SRRM3: variants seen among roughly 807,000 people sequenced by gnomAD.
SRRM3 encodes serine/arginine repetitive matrix protein 3.
SRRM3 carries 27 observed loss-of-function variants against 66.2 expected under a neutral mutation model. The observed-to-expected ratio is 0.41, with a 90% CI of 0.30 to 0.56. The LOEUF (loss-of-function observed/expected upper bound fraction) is 0.56, where lower values mean the gene tolerates loss of function less well. Ranked by LOEUF, SRRM3 falls within the 20% of genes least tolerant of loss-of-function variation. The probability of loss-of-function intolerance (pLI) is 0.32; values close to 1 mark genes in which losing one functional copy is unlikely to be tolerated. For missense variants in SRRM3, 918 were observed against 991.9 expected (o/e 0.93, Z 1.00); for synonymous variants, 391 against 414.9 (o/e 0.94, Z 0.70).
chr7:76,222,315 G>A (rs1252314429), intron 1 of SRRM3, among the ~76,000 whole-genome samples: 9 of 151,634 alleles, frequency 5.9e-5, no homozygotes, highest in African/African-American at 1.7e-4. Flanking sequence ...TTGGGAGGCT[G>A]AGGTGGGAGG....
rs1554604647 is a variant in SRRM3 at position 76,235,141 on chromosome 7, C to T, written c.75C>T (p.Pro25=). The change falls in exon 2 of 15, where the codon CCC becomes CCT. Residue 25 remains proline (P), a synonymous_variant. Transcript: ENST00000611745. Reference sequence around the variant, plus strand: ...ACGCCGCGAACGGCTTCCCGCAGCCCAGCTCCTCCTCGGGGACCTGGCCGC... The same window carrying T: ...ACGCCGCGAACGGCTTCCCGCAGCCTAGCTCCTCCTCGGGGACCTGGCCGC... ...TPDAANGFPQ[P]SSSSGTWPRA... 1.3e-6 allele frequency: 2 copies of T among 1,567,322 alleles called. No homozygotes were observed. The highest frequency in any genetic ancestry group is 1.4e-5 in the African/African-American group (1 of 73,724).
intron 1 of SRRM3, among the ~76,000 whole-genome samples, chr7:76,228,140 G>T (rs553403770): frequency 6.6e-6 from 1 of 152,260 alleles, no homozygotes; most frequent in African/African-American, 2.4e-5. Context: ...AAAGTGCTGG[G>T]ATTACAGGTG....
chr7:76,261,672 C>T, intron 8 of SRRM3, 91 bp downstream of exon 8: 1 of 1,368,972 alleles, frequency 7.3e-7, no homozygotes, highest in South Asian at 1.2e-5. Context: ...TTGAGGGTCC[C>T]ACAGGGCTCC....
intron 7 of SRRM3, 46 bp downstream of exon 7, chr7:76,261,460 G>A (rs782153666): frequency 6.3e-7 from 1 of 1,598,818 alleles, no homozygotes; most frequent in Admixed American, 1.7e-5. Context: ...CCTCCCGTGG[G>A]GCCCAGGGCC....
intron 1 of SRRM3, among the ~76,000 whole-genome samples, chr7:76,228,283 C>T (rs1487959623): frequency 6.6e-6 from 1 of 152,190 alleles, no homozygotes; most frequent in Non-Finnish European, 1.5e-5. Flanking sequence ...CTGTGAGAAT[C>T]TTGGGGCTCT....
In SRRM3 at chr7:76,259,972, T is replaced by C; in HGVS notation, c.402T>C (p.Asp134=). 1 of 1,600,824 alleles carries C rather than the reference T, an allele frequency of 6.2e-7. No homozygotes were observed. Among genetic ancestry groups the C allele is most frequent in the Non-Finnish European group, 8.5e-7 (1 of 1,179,000 alleles). Residue 134 remains aspartate, a synonymous_variant, in exon 4 of 15, where the codon GAT becomes GAC. Transcript: ENST00000611745. Reference sequence around the variant, plus strand: ...GCCTGGAGTACGCGCCCTTTGACGATGACGACGGCCCAGTGGACTGTGACT... The same window carrying C: ...GCCTGGAGTACGCGCCCTTTGACGACGACGACGGCCCAGTGGACTGTGACT... ...EPGLEYAPFD[D]DDGPVDCDCP...
At chr7:76,211,415 G>C (rs1334119214) in intron 1 of SRRM3, among the ~76,000 whole-genome samples, 2 of 151,646 alleles carry the variant, frequency 1.3e-5, no homozygotes, top group African/African-American at 2.4e-5. Flanking sequence ...CTCACTGTTG[G>C]GGGGCGGGGG....
At chr7:76,222,615 GTTTTTTTAA>G (rs1800755240) in intron 1 of SRRM3, among the ~76,000 whole-genome samples, 2 of 151,652 alleles carry the variant, frequency 1.3e-5, no homozygotes, top group African/African-American at 4.8e-5. Flanking sequence ...GTTTTGTTTT[GTTTTTTTAA>G]TTTTTTTAAT....
intron 1 of SRRM3, among the ~76,000 whole-genome samples, chr7:76,204,468 G>T (rs1800246375): frequency 6.6e-6 from 1 of 152,156 alleles, no homozygotes; most frequent in Non-Finnish European, 1.5e-5. Context: ...CTGAAGGTGT[G>T]ATGGGACTTT....
At chr7:76,261,014 T>C in intron 6 of SRRM3, 111 bp downstream of exon 6, 1 of 1,173,646 alleles carries the variant, frequency 8.5e-7, no homozygotes, top group Non-Finnish European at 1.2e-6. Context: ...GGCCTGCACC[T>C]GGACACTGCC....
chr7:76,276,203 T>TC (rs1583938981), intron 11 of SRRM3, among the ~76,000 whole-genome samples: 1 of 152,062 alleles, frequency 6.6e-6, no homozygotes, highest in African/African-American at 2.4e-5. Flanking sequence ...CCTGATTCAC[T>TC]CACTCACTCA....
At chr7:76,262,132 G>C (rs1365887325) in intron 8 of SRRM3, among the ~76,000 whole-genome samples, 2 of 152,038 alleles carry the variant, frequency 1.3e-5, no homozygotes, top group Non-Finnish European at 2.9e-5. Flanking sequence ...AGGGTGGACT[G>C]GGGGAGGGGA....
At chr7:76,272,507 A>G (rs1317170368) in intron 11 of SRRM3, among the ~76,000 whole-genome samples, 1 of 152,116 alleles carries the variant, frequency 6.6e-6, no homozygotes, top group East Asian at 1.9e-4. Flanking sequence ...GTTGGAGGCT[A>G]CAGTGAGCTA....
chr7:76,257,588 GTGAGAC>G (rs1801745418), intron 3 of SRRM3, among the ~76,000 whole-genome samples: 1 of 151,828 alleles, frequency 6.6e-6, no homozygotes, highest in Admixed American at 6.6e-5. Flanking sequence ...GGGCAACATA[GTGAGAC>G]CCCATCTCTA....
chr7:76,218,013 C>G (rs1554602791), intron 1 of SRRM3, among the ~76,000 whole-genome samples: 1 of 152,158 alleles, frequency 6.6e-6, no homozygotes. Context: ...GCCCCTGACA[C>G]TTGGTCCAGA....
intron 1 of SRRM3, among the ~76,000 whole-genome samples, chr7:76,204,341 T>A (rs2116918396): frequency 6.6e-6 from 1 of 152,230 alleles, no homozygotes; most frequent in East Asian, 1.9e-4. Flanking sequence ...CTCCTACACA[T>A]ACACTGAGCC....
In SRRM3 at chr7:76,218,271, G is replaced by T. The variant is rs1800617258; in HGVS notation, c.-40+16204G>T. ...AGCATGGGCTTCTGACACACAGGTG[G>T]CTCTCCCTCCATATCTCCACCAAGG... On this transcript the variant is annotated intron_variant, in intron 1 of 14. Coordinates refer to ENST00000611745, the MANE Select transcript of SRRM3 (RefSeq NM_001110199.3). 2.6e-5 allele frequency among the ~76,000 whole-genome samples: 4 copies of T among 152,254 alleles called. No individual in the cohort carries two copies. The South Asian group carries it at 8.3e-4, about 32-fold the overall frequency.
intron 1 of SRRM3, among the ~76,000 whole-genome samples, chr7:76,216,139 A>T (rs111831719): frequency 6.7e-6 from 1 of 148,812 alleles, no homozygotes; most frequent in East Asian, 2.0e-4. Context: ...ATTTTAGTAG[A>T]GATGGGGATT....
At chr7:76,269,945 T>C (rs1418263215) in intron 11 of SRRM3, 1 of 151,994 alleles carries the variant, frequency 6.6e-6, no homozygotes, top group African/African-American at 2.4e-5. Context: ...TACTTTTTTT[T>C]CCTTTGTAAT....
Sources: gnomAD v4.1 joint callset for allele counts (sites outside exome capture counted in the v4.1 genomes callset) on GRCh38, gnomAD v4.1.1 for gene constraint, MANE v1.5 for transcripts, NCBI Gene and HGNC (gene_info 2026-07-23, HGNC 2026-07-21) for gene names.